CACNA2D1: variants seen among roughly 807,000 people sequenced by gnomAD.
The protein encoded by CACNA2D1 is calcium voltage-gated channel auxiliary subunit alpha2delta 1.
A neutral mutation model predicts 171.5 loss-of-function variants in CACNA2D1; 53 were observed. That is an observed-to-expected ratio of 0.31 (90% CI 0.25 to 0.39). The LOEUF is 0.39. Ranked by LOEUF, CACNA2D1 falls within the 10% of genes least tolerant of loss-of-function variation. The pLI, the probability that CACNA2D1 is intolerant of heterozygous loss-of-function variation, is 1.00. For missense variants in CACNA2D1, 903 were observed against 1,299.8 expected, an observed-to-expected ratio of 0.69 and a Z score of 4.69; for synonymous variants, 442 against 443.1, an observed-to-expected ratio of 1.00 and a Z score of 0.03.
intron 3 of CACNA2D1, among the ~76,000 whole-genome samples, chr7:82,278,974 G>A (rs1488383109): frequency 6.6e-6 from 1 of 152,142 alleles, no homozygotes; most frequent in Admixed American, 6.5e-5. Flanking sequence ...AAAACCATGT[G>A]ACTTCTCTTT....
At chr7:82,079,271 C>A (rs1279686263) in intron 7 of CACNA2D1, among the ~76,000 whole-genome samples, 1 of 152,192 alleles carries the variant, frequency 6.6e-6, no homozygotes, top group African/African-American at 2.4e-5. Context: ...CATTGTTATC[C>A]TCCTTGTTTC....
chr7:82,419,196 T>C (rs998677212), intron 1 of CACNA2D1, among the ~76,000 whole-genome samples: 2 of 152,088 alleles, frequency 1.3e-5, no homozygotes, highest in Non-Finnish European at 2.9e-5. Flanking sequence ...ATTTTACTGT[T>C]TTGGGGTCTC....
chr7:81,989,100 C>T (rs1298051686), intron 21 of CACNA2D1, among the ~76,000 whole-genome samples: 1 of 152,088 alleles, frequency 6.6e-6, no homozygotes, highest in African/African-American at 2.4e-5. Flanking sequence ...AAAGTAATTC[C>T]AGGCAGAAGT....
At chr7:82,007,817 G>T in intron 15 of CACNA2D1, 61 bp from the exon 16 acceptor site, 1 of 948,830 alleles carries the variant, frequency 1.1e-6, no homozygotes, top group South Asian at 1.3e-5. Flanking sequence ...TTGTCAGAGT[G>T]CACTAACCTT....
chr7:81,950,467 G>A lies in CACNA2D1; in HGVS notation c.3201C>T (p.Pro1067=), dbSNP rs768028784. Residue 1067 remains proline, a synonymous_variant, in exon 39 of 39, where the codon CCC becomes CCT. Coordinates refer to ENST00000356860, the MANE Select transcript of CACNA2D1 (RefSeq NM_000722.4). ...GGATTCCAATGATATACCACAGGGA[G>A]GGATTTAATCCAGAAACACCACCAC... ...TDCGGVSGLN[P]SLWYIIGIQF... 3 of 1,612,864 alleles carry A rather than the reference G, an allele frequency of 1.9e-6. No homozygotes were observed. The highest frequency in any genetic ancestry group is 2.5e-6 in the Non-Finnish European group (3 of 1,179,536).
intron 3 of CACNA2D1, among the ~76,000 whole-genome samples, chr7:82,257,190 C>A (rs1019014809): frequency 2.6e-5 from 4 of 152,166 alleles, no homozygotes; most frequent in Admixed American, 6.5e-5. Context: ...TCATTTTCCT[C>A]TCCTTTTATG....
chr7:82,035,996 C>T (rs984637835), intron 11 of CACNA2D1, among the ~76,000 whole-genome samples: 10 of 152,094 alleles, frequency 6.6e-5, no homozygotes, highest in Admixed American at 2.0e-4. Flanking sequence ...CTTAATCTAA[C>T]GGTGTCTATT....
chr7:82,139,445 A>G (rs1209774793), intron 4 of CACNA2D1, among the ~76,000 whole-genome samples: 3 of 152,170 alleles, frequency 2.0e-5, no homozygotes, highest in Admixed American at 1.3e-4. Context: ...GAATTTCCCA[A>G]TGGTTTTGTT....
intron 18 of CACNA2D1, 73 bp downstream of exon 18, chr7:82,005,347 AAAC>A: frequency 1.1e-6 from 1 of 942,464 alleles, no homozygotes; most frequent in East Asian, 2.6e-5. Flanking sequence ...GTAAATTTTA[AAAC>A]AACAATCCTA....
At chr7:82,319,450 T>G (rs1585473241) in intron 3 of CACNA2D1, among the ~76,000 whole-genome samples, 1 of 152,338 alleles carries the variant, frequency 6.6e-6, no homozygotes, top group Admixed American at 6.5e-5. Flanking sequence ...TGAACATTTC[T>G]GCAAGAGTCA....
In CACNA2D1 at chr7:82,358,536, G is replaced by C. The variant is rs139713952; in HGVS notation, c.96-8887C>G. ...TGCTTTAGTATTCCATTTTTGACTA[G>C]AGTAATCCTGTAAGAAAGGCAGAAA... On this transcript the variant is annotated intron_variant, in intron 1 of 38. Transcript: ENST00000356860. 5.4e-4 allele frequency among the ~76,000 whole-genome samples: 82 copies of C among 152,224 alleles called. No individual in the cohort carries two copies. The East Asian group carries it at 0.011, about 21-fold the overall frequency.
At chr7:82,010,353 T>G (rs1799633488) in intron 15 of CACNA2D1, among the ~76,000 whole-genome samples, 1 of 151,424 alleles carries the variant, frequency 6.6e-6, no homozygotes, top group Non-Finnish European at 1.5e-5. Context: ...ATGTGTCCAA[T>G]GAATAGCAAA....
intron 4 of CACNA2D1, among the ~76,000 whole-genome samples, chr7:82,153,198 A>G (rs6942458): frequency 0.28 from 42,108 of 151,184 alleles, 6,504 homozygotes; most frequent in African/African-American, 0.43. Flanking sequence ...ATCCTTAAAT[A>G]ACTGTTTTCC....
At chr7:82,365,839 T>C (rs1280480650) in intron 1 of CACNA2D1, among the ~76,000 whole-genome samples, 3 of 152,228 alleles carry the variant, frequency 2.0e-5, no homozygotes, top group Non-Finnish European at 2.9e-5. Context: ...GAACTTATAT[T>C]GCACAATTTG....
At chr7:82,255,508 C>G (rs1454543917) in intron 3 of CACNA2D1, among the ~76,000 whole-genome samples, 2 of 152,130 alleles carry the variant, frequency 1.3e-5, no homozygotes, top group Non-Finnish European at 2.9e-5. Flanking sequence ...CAGAAACTGT[C>G]AATTATTTAC....
At chr7:82,160,350 A>C (rs1245933129) in intron 4 of CACNA2D1, among the ~76,000 whole-genome samples, 1 of 152,096 alleles carries the variant, frequency 6.6e-6, no homozygotes, top group Non-Finnish European at 1.5e-5. Context: ...TTAAAAAGAA[A>C]AAAATTAAAA....
At chr7:82,104,278 G>A (rs962898696) in intron 6 of CACNA2D1, among the ~76,000 whole-genome samples, 1 of 151,942 alleles carries the variant, frequency 6.6e-6, no homozygotes, top group Non-Finnish European at 1.5e-5. Context: ...TGTATTAACA[G>A]TAGATGACAA....
chr7:82,353,577 C>A (rs2129446362), intron 1 of CACNA2D1, among the ~76,000 whole-genome samples: 2 of 152,016 alleles, frequency 1.3e-5, no homozygotes, highest in Admixed American at 1.3e-4. Flanking sequence ...AGTGACAACT[C>A]TGGAAAGGTA....
intron 12 of CACNA2D1, among the ~76,000 whole-genome samples, chr7:82,022,734 T>C (rs1310558946): frequency 6.6e-6 from 1 of 151,944 alleles, no homozygotes; most frequent in Non-Finnish European, 1.5e-5. Context: ...GAGAGCAAAA[T>C]AGAAAAGACT....
Sources: gnomAD v4.1 joint callset for allele counts (sites outside exome capture counted in the v4.1 genomes callset) on GRCh38, gnomAD v4.1.1 for gene constraint, MANE v1.5 for transcripts, NCBI Gene and HGNC (gene_info 2026-07-23, HGNC 2026-07-21) for gene names.